The following STAT4 variants were observed in gnomAD, a reference collection of about 807,000 sequenced individuals.
STAT4 encodes the protein signal transducer and activator of transcription 4.
A neutral mutation model predicts 110.5 loss-of-function variants in STAT4; 42 were observed. The ratio of observed to expected loss-of-function variants is 0.38; its 90% CI spans 0.30 to 0.49. The LOEUF is 0.49. Ranked by LOEUF, STAT4 falls within the 20% of genes least tolerant of loss-of-function variation. The probability of loss-of-function intolerance (pLI) is 0.95; values close to 1 mark genes in which losing one functional copy is unlikely to be tolerated. For missense variants in STAT4, 632 were observed against 887.9 expected, an observed-to-expected ratio of 0.71 and a Z score of 3.66; for synonymous variants, 284 against 302.2, an observed-to-expected ratio of 0.94 and a Z score of 0.63.
Position 191,083,509 on chromosome 2 carries a change from A to G in STAT4, c.274-7184T>C, listed in dbSNP as rs2125289695. ...TGTACCAGCTCTTCTCCTAACCCCA[A>G]TTTGAGAACTTTTTGACTTCTCATT... is the stretch of plus-strand genomic sequence containing the variant. On this transcript the variant is annotated intron_variant, in intron 3 of 23. Coordinates refer to ENST00000392320, the MANE Select transcript of STAT4 (RefSeq NM_003151.4). This position sits in a 1 kb window ranked among gnomAD's most constrained non-coding sequence, Gnocchi z 4.6. 6.6e-6 allele frequency among the ~76,000 whole-genome samples: 1 copy of G among 152,332 alleles called. No individual in the cohort carries two copies. The highest frequency in any genetic ancestry group is 2.1e-4 in the South Asian group (1 of 4,824).
At chr2:191,123,713 T>C (rs1263445751) in intron 3 of STAT4, among the ~76,000 whole-genome samples, 1 of 152,220 alleles carries the variant, frequency 6.6e-6, no homozygotes, top group South Asian at 2.1e-4. Context: ...TCTCACATAA[T>C]GTATTGAATA....
intron 3 of STAT4, among the ~76,000 whole-genome samples, chr2:191,132,074 T>G (rs926550008): frequency 2.0e-5 from 3 of 151,768 alleles, no homozygotes; most frequent in Non-Finnish European, 4.4e-5. Context: ...GGACTTTCAT[T>G]CTTCACATTA....
intron 13 of STAT4, 65 bp downstream of exon 13, chr2:191,057,953 C>T (rs1574716380): frequency 9.4e-6 from 12 of 1,271,304 alleles, no homozygotes; most frequent in South Asian, 2.4e-5. Context: ...AATTATAAGG[C>T]GTATTAGTAA....
chr2:191,065,644 TA>T, intron 7 of STAT4, among the ~76,000 whole-genome samples: 1 of 152,308 alleles, frequency 6.6e-6, no homozygotes, highest in South Asian at 2.1e-4. Flanking sequence ...TTATTATGCA[TA>T]AAAACATTAA....
chr2:191,064,096 A>T (rs3024851), intron 8 of STAT4, among the ~76,000 whole-genome samples: 11,176 of 152,282 alleles, frequency 0.073, 498 homozygotes, highest in Middle Eastern at 0.12. Flanking sequence ...GCATGTGTGC[A>T]TACATAGATC....
intron 3 of STAT4, among the ~76,000 whole-genome samples, chr2:191,108,152 A>G (rs953869501): frequency 2.0e-5 from 3 of 152,004 alleles, no homozygotes; most frequent in African/African-American, 7.3e-5. Context: ...TTTGCCAGAC[A>G]TGGTAGGGGG....
At chr2:191,088,219 G>A (rs1042068318) in intron 3 of STAT4, among the ~76,000 whole-genome samples, 1 of 152,100 alleles carries the variant, frequency 6.6e-6, no homozygotes, top group African/African-American at 2.4e-5. Context: ...ATTAGAGTAA[G>A]GTTATAGACT....
chr2:191,034,156 C>T (rs1171947646), intron 18 of STAT4, 151 bp from the exon 19 acceptor site: 2 of 655,300 alleles, frequency 3.1e-6, no homozygotes, highest in Non-Finnish European at 5.1e-6. Context: ...GGTGTGGTGG[C>T]TCATGCCTGT....
Position 191,047,961 on chromosome 2 carries a change from T to G in STAT4, c.1251+6529A>C, listed in dbSNP as rs539321358. On this transcript the variant is annotated intron_variant, in intron 14 of 23. Transcript: ENST00000392320. ...GATTACAGGCATGAGCCAACACGCC[T>G]GGTCTATAGTTTAATTTCTATGAAT... Among the ~76,000 whole-genome samples, 11 of 152,332 alleles carry G rather than the reference T, an allele frequency of 7.2e-5. 1 individual carries two copies. The South Asian group carries it at 2.3e-3, about 32-fold the overall frequency.
At chr2:191,038,143 G>A (rs1696091880) in intron 16 of STAT4, among the ~76,000 whole-genome samples, 1 of 152,194 alleles carries the variant, frequency 6.6e-6, no homozygotes, top group South Asian at 2.1e-4. Context: ...GGAGTTGGAA[G>A]AAAGCTGAAC....
Position 191,090,808 on chromosome 2 carries a change from G to A in STAT4, c.274-14483C>T, listed in dbSNP as rs1292383183. On this transcript the variant is annotated intron_variant, in intron 3 of 23. Transcript: ENST00000392320. This position sits in a 1 kb window ranked among gnomAD's most constrained non-coding sequence, Gnocchi z 4.2. ...AGCCTGTTCACCAAGACAGGGGATG[G>A]TCTCGATCCCCTGACCTCGTGATCC... 6.6e-6 allele frequency among the ~76,000 whole-genome samples: 1 copy of A among 152,054 alleles called. No homozygotes were observed. Among genetic ancestry groups the A allele is most frequent in the Non-Finnish European group, 1.5e-5 (1 of 68,004 alleles).
Position 191,086,398 on chromosome 2 carries a change from T to C in STAT4, c.274-10073A>G, listed in dbSNP as rs879738780. ...CTGGGCTTGAGGCTTTTAAAAGGTCTAATTTGAGAGTCCTTATTTTTAAAT... is the reference window on the plus strand; with the variant it reads ...CTGGGCTTGAGGCTTTTAAAAGGTCCAATTTGAGAGTCCTTATTTTTAAAT... On this transcript the variant is annotated intron_variant, in intron 3 of 23. Coordinates refer to ENST00000392320, the MANE Select transcript of STAT4 (RefSeq NM_003151.4). This position sits in a 1 kb window ranked among gnomAD's most constrained non-coding sequence, Gnocchi z 5.5. 5.3e-5 allele frequency among the ~76,000 whole-genome samples: 8 copies of C among 152,218 alleles called. No homozygotes were observed. The highest frequency in any genetic ancestry group is 5.2e-4 in the Admixed American group (8 of 15,278).
chr2:191,134,496 C>G (rs894344967), intron 3 of STAT4, among the ~76,000 whole-genome samples: 5 of 152,306 alleles, frequency 3.3e-5, no homozygotes, highest in African/African-American at 1.2e-4. Flanking sequence ...TACTGGCCCA[C>G]CTGGTGTCCT....
chr2:191,149,780 A>G (rs1228354993), intron 1 of STAT4, among the ~76,000 whole-genome samples: 1 of 152,196 alleles, frequency 6.6e-6, no homozygotes, highest in African/African-American at 2.4e-5. Flanking sequence ...CTATCAATTT[A>G]TTTTAGTTAA....
rs1449832035 is a variant in STAT4, at chr2:191,031,079, G to A, written c.2113C>T (p.Arg705Ter). The A allele has an allele frequency of 1.9e-6, 3 of 1,613,718 alleles. No individual in the cohort carries two copies. The highest frequency in any genetic ancestry group is 2.5e-6 in the Non-Finnish European group (3 of 1,179,736). The change falls in exon 23 of 24, where the codon CGA (arginine) becomes TGA (stop). Residue 705 changes from arginine to a stop codon, truncating the protein, a stop_gained and splice_region_variant. Transcript: ENST00000392320. LOFTEE classifies it high-confidence loss of function. This position sits in a 1 kb window ranked among gnomAD's most constrained non-coding sequence, Gnocchi z 4.8. ...GAATGTGGCTCTGTTGAATCACTTC[G>A]GCTTAAAGAGATAACAAGGTCAATA... ...PSVFIPISTI[R>*]SDSTEPHSPS...
chr2:191,089,487 A>G (rs1697734733), intron 3 of STAT4, among the ~76,000 whole-genome samples: 1 of 152,196 alleles, frequency 6.6e-6, no homozygotes, highest in Non-Finnish European at 1.5e-5. Context: ...CCATTTTCAA[A>G]AACAGTTTGG....
Position 191,066,605 on chromosome 2 carries a change from C to T in STAT4, c.545-90G>A, listed in dbSNP as rs1311795760. The T allele has an allele frequency of 3.9e-5, 47 of 1,198,054 alleles. No individual in the cohort carries two copies. Among genetic ancestry groups the T allele is most frequent in the Non-Finnish European group, 5.0e-5 (42 of 834,070 alleles). The allele number at this position is 1,198,054 out of a possible 1,614,324, so 74.2% of individuals were successfully genotyped here. On this transcript the variant is annotated intron_variant, in intron 6 of 23. Transcript: ENST00000392320. This position sits in a 1 kb window ranked among gnomAD's most constrained non-coding sequence, Gnocchi z 4.3. Reference sequence around the variant, plus strand: ...CCACCATCCTAAAACAGCCCTGGCCCGGAGAACTTATGTGGTAAGAGACTA... The same window carrying T: ...CCACCATCCTAAAACAGCCCTGGCCTGGAGAACTTATGTGGTAAGAGACTA...
Position 191,064,889 on chromosome 2 carries a change from C to T in STAT4, c.700G>A (p.Glu234Lys), listed in dbSNP as rs758217844. Residue 234 changes from glutamate to lysine, a missense_variant, in exon 8 of 24, where the codon GAG becomes AAG. Physicochemically the swap from Glu to Lys is moderately conservative, Grantham distance 56 (BLOSUM62 1). Coordinates refer to ENST00000392320, the MANE Select transcript of STAT4 (RefSeq NM_003151.4). Reference protein sequence around the residue: ...DLLMNTMLIEELQDWKRRQQI... With the variant: ...DLLMNTMLIEKLQDWKRRQQI... ...TGCCGCCGCTTCCAGTCTTGCAGCT[C>T]TTCTATGAGCATGGTGTTCATTAAC... 4.4e-5 allele frequency: 71 copies of T among 1,613,230 alleles called. 3 individuals carry two copies. The South Asian group carries it at 7.8e-4, about 18-fold the overall frequency.
chr2:191,078,778 T>C (rs1348906378), intron 3 of STAT4, among the ~76,000 whole-genome samples: 1 of 152,174 alleles, frequency 6.6e-6, no homozygotes, highest in Non-Finnish European at 1.5e-5. Context: ...CTATGGCTTA[T>C]CTTTTTCCTA....
Sources: allele counts gnomAD v4.1 joint callset (sites outside exome capture counted in the v4.1 genomes callset), GRCh38; gene constraint gnomAD v4.1.1; non-coding constraint Gnocchi (gnomAD v3.1); transcripts MANE v1.5; gene names NCBI Gene and HGNC (gene_info 2026-07-23, HGNC 2026-07-21).